Variants in CNTN4 observed in about 807,000 individuals in gnomAD.
CNTN4 encodes contactin-4.
A neutral mutation model predicts 122.5 loss-of-function variants in CNTN4; 77 were observed. The observed-to-expected ratio is 0.63, with a 90% CI of 0.52 to 0.76. CNTN4 has a LOEUF of 0.76. Among genes scored for constraint, CNTN4 ranks in the 30% least tolerant of loss-of-function variants. The pLI is 0.00. For synonymous variants in CNTN4, 512 were observed against 447.0 expected (o/e 1.15, Z -1.83); for missense variants, 1,256 against 1,259.1 (o/e 1.00, Z 0.04).
chr3:2,605,487 T>A (rs2619560), intron 4 of CNTN4, among the ~76,000 whole-genome samples: 93,305 of 151,970 alleles, frequency 0.61, 30,563 homozygotes, highest in East Asian at 0.9. Flanking sequence ...AAGGGGTGTC[T>A]TGATATGATC....
chr3:2,598,740 G>T (rs919252900), intron 4 of CNTN4, among the ~76,000 whole-genome samples: 1 of 152,084 alleles, frequency 6.6e-6, no homozygotes, highest in Non-Finnish European at 1.5e-5. Context: ...TCGCAAATCA[G>T]TTCAGTTAGT....
intron 3 of CNTN4, among the ~76,000 whole-genome samples, chr3:2,454,878 C>T (rs1023656537): frequency 1.3e-5 from 2 of 152,100 alleles, no homozygotes; most frequent in African/African-American, 4.8e-5. Flanking sequence ...GAAAATATAG[C>T]TGTTGCATTT....
chr3:2,134,325 C>T (rs1299083937), intron 2 of CNTN4, among the ~76,000 whole-genome samples: 1 of 152,162 alleles, frequency 6.6e-6, no homozygotes, highest in African/African-American at 2.4e-5. Flanking sequence ...GAACGAGTCT[C>T]CTAGGTGATT....
chr3:2,920,639 G>A (rs1371792407), intron 12 of CNTN4, among the ~76,000 whole-genome samples: 1 of 152,110 alleles, frequency 6.6e-6, no homozygotes, highest in Non-Finnish European at 1.5e-5. Flanking sequence ...CAGAAGAAAA[G>A]TCCGTGATAA....
rs142619198 is a variant in CNTN4 at position 2,752,816 on chromosome 3, T to G, written c.358+7119T>G. ...TCTTCTACTGTCTACTCTAATTCTG[T>G]CTTACTAAATAAGACCAACTTATTT... On this transcript the variant is annotated intron_variant, in intron 6 of 24. Transcript: ENST00000418658. Among the ~76,000 whole-genome samples, 643 of 152,254 alleles carry G rather than the reference T, an allele frequency of 4.2e-3. 6 individuals carry two copies. The highest frequency in any genetic ancestry group is 0.015 in the African/African-American group (606 of 41,544).
chr3:2,516,612 A>G (rs1377294038), intron 3 of CNTN4, among the ~76,000 whole-genome samples: 2 of 152,110 alleles, frequency 1.3e-5, no homozygotes, highest in Admixed American at 6.6e-5. Flanking sequence ...ACATGGCTTC[A>G]TGTCTTCACC....
At chr3:2,254,924 C>A (rs989078923) in intron 2 of CNTN4, among the ~76,000 whole-genome samples, 2 of 152,056 alleles carry the variant, frequency 1.3e-5, no homozygotes, top group Admixed American at 1.3e-4. Flanking sequence ...CTTTTGTTGC[C>A]GTTGGTTTTG....
chr3:2,455,596 C>T (rs1473877687), intron 3 of CNTN4, among the ~76,000 whole-genome samples: 1 of 152,002 alleles, frequency 6.6e-6, no homozygotes, highest in African/African-American at 2.4e-5. Flanking sequence ...GACATTTTTA[C>T]TGTTAAGGTT....
intron 14 of CNTN4, among the ~76,000 whole-genome samples, chr3:3,013,933 G>T (rs1697479946): frequency 6.6e-6 from 1 of 152,010 alleles, no homozygotes; most frequent in Admixed American, 6.6e-5. Flanking sequence ...CTTGGGTCTT[G>T]CCTCACTATC....
intron 13 of CNTN4, among the ~76,000 whole-genome samples, chr3:2,956,526 TC>T (rs1387349859): frequency 6.6e-6 from 1 of 152,096 alleles, no homozygotes; most frequent in Non-Finnish European, 1.5e-5. Context: ...CAATATATAC[TC>T]CCATCTAAGT....
intron 12 of CNTN4, among the ~76,000 whole-genome samples, chr3:2,925,303 C>A (rs1039071909): frequency 6.6e-6 from 1 of 152,154 alleles, no homozygotes; most frequent in Non-Finnish European, 1.5e-5. Flanking sequence ...TGCCTGTAAT[C>A]CCCGCACTTT....
intron 5 of CNTN4, 67 bp downstream of exon 5, chr3:2,736,408 A>G (rs2089094506): frequency 3.9e-6 from 5 of 1,288,354 alleles, no homozygotes; most frequent in Admixed American, 1.8e-5. Context: ...ACAAATACTT[A>G]TACAATGCTG....
intron 5 of CNTN4, among the ~76,000 whole-genome samples, chr3:2,738,137 G>A (rs926017229): frequency 7.9e-5 from 12 of 152,136 alleles, no homozygotes; most frequent in African/African-American, 1.9e-4. Context: ...CTTTCAAGCC[G>A]TAGCTATAGG....
At chr3:2,787,108 G>A (rs62232890) in intron 6 of CNTN4, among the ~76,000 whole-genome samples, 8,526 of 152,212 alleles carry the variant, frequency 0.056, 273 homozygotes, top group Non-Finnish European at 0.07. Flanking sequence ...CAGGCGCGGT[G>A]GCTCATACCT....
chr3:2,287,752 AAGAAGAAGAAGAAGAAGAAG>A lies in CNTN4; in HGVS notation c.-144-51424_-144-51405del, dbSNP rs2041989976. On this transcript the variant is annotated intron_variant, in intron 2 of 24. Transcript: ENST00000418658. ...GAAGAAGAAGAAGAAGAAGAAGAAG[AAGAAGAAGAAGAAGAAGAAG>A]AAGAAGGAGAAGAAGAGGAGGAAGG... 2.1e-5 allele frequency among the ~76,000 whole-genome samples: 3 copies of A among 141,308 alleles called. No individual in the cohort carries two copies. In the South Asian group the frequency reaches 6.9e-4, roughly 33 times the overall value. The allele number at this position is 141,308 out of a possible 152,430, so 92.7% of individuals were successfully genotyped here. A position where few individuals can be genotyped will look rare whatever the true frequency, so the allele number is the denominator to read the frequency against.
At chr3:2,400,428 C>CATATATATATATATATATATATATAT (rs58112641) in intron 3 of CNTN4, among the ~76,000 whole-genome samples, 3 of 95,824 alleles carry the variant, frequency 3.1e-5, no homozygotes, top group Admixed American at 1.2e-4. Context: ...TATATATATA[C>CATATATATATATATATATATATATAT]ATATATATAT....
intron 4 of CNTN4, among the ~76,000 whole-genome samples, chr3:2,590,970 A>C (rs1225314626): frequency 1.3e-5 from 2 of 152,202 alleles, no homozygotes; most frequent in Non-Finnish European, 2.9e-5. Flanking sequence ...ATAACTGTGA[A>C]ATCATCATCA....
At chr3:2,972,166 A>C (rs2125108572) in intron 13 of CNTN4, among the ~76,000 whole-genome samples, 1 of 152,314 alleles carries the variant, frequency 6.6e-6, no homozygotes, top group East Asian at 1.9e-4. Flanking sequence ...CTACAAAGCG[A>C]GTATCCCTAA....
chr3:2,564,113 A>G (rs1322694086), intron 3 of CNTN4, among the ~76,000 whole-genome samples: 3 of 152,190 alleles, frequency 2.0e-5, no homozygotes, highest in African/African-American at 4.8e-5. Context: ...AAAAAAATCA[A>G]GAAATAGTAG....
Sources: allele counts gnomAD v4.1 joint callset (sites outside exome capture counted in the v4.1 genomes callset), GRCh38; gene constraint gnomAD v4.1.1; transcripts MANE v1.5; gene names NCBI Gene and HGNC (gene_info 2026-07-23, HGNC 2026-07-21).